Variants in PLEC observed in about 807,000 individuals in gnomAD.
The protein encoded by PLEC is plectin.
A neutral mutation model predicts 392.8 loss-of-function variants in PLEC; 216 were observed. That is an observed-to-expected ratio of 0.55 (90% confidence interval 0.49 to 0.62). The LOEUF (loss-of-function observed/expected upper bound fraction) is 0.62. Ranked by LOEUF, PLEC falls within the 20% of genes least tolerant of loss-of-function variation. The probability of loss-of-function intolerance (pLI) is 0.00; values close to 1 mark genes in which losing one functional copy is unlikely to be tolerated. For missense variants in PLEC, 6,863 were observed against 6,563.4 expected, an observed-to-expected ratio of 1.05 and a Z score of -1.58; for synonymous variants, 3,621 against 2,980.6, an observed-to-expected ratio of 1.21 and a Z score of -7.00.
At position 143,927,549 on chromosome 8, in the gene PLEC, C is replaced by A. The variant is rs1406044295; in HGVS notation, c.3617G>T (p.Gly1206Val). 6.3e-7 allele frequency: 1 copy of A among 1,595,252 alleles called. No individual in the cohort carries two copies. Among genetic ancestry groups the A allele is most frequent in the African/African-American group, 1.3e-5 (1 of 74,942 alleles). Reference sequence around the variant, plus strand: ...CTCGCGGTAGTAACGCAGCTGGCGGCCCAGTTGCTCGAGCTCGCGCTGCCG... The same window carrying A: ...CTCGCGGTAGTAACGCAGCTGGCGGACCAGTTGCTCGAGCTCGCGCTGCCG... ...DVRQRELEQL[G>V]RQLRYYRESA... The change falls in exon 27 of 32, where the codon GGC becomes GTC. Residue 1206 changes from glycine (G) to valine (V), a missense_variant. Transcript: ENST00000345136.
chr8:143,926,271 C>T (rs1346143343), intron 30 of PLEC, among the ~76,000 whole-genome samples: 2 of 152,204 alleles, frequency 1.3e-5, no homozygotes, highest in African/African-American at 2.4e-5. Context: ...CCCCTCTCCC[C>T]GACCAGGGTG....
chr8:143,938,795 T>A (rs1340108492), intron 1 of PLEC, 103 bp from the exon 2 acceptor site: 17 of 1,005,132 alleles, frequency 1.7e-5, no homozygotes, highest in African/African-American at 4.7e-5. Flanking sequence ...AGGTCCTGCC[T>A]GGGGAGCCCC....
Position 143,924,474 on chromosome 8 carries a change from G to C in PLEC, c.5455C>G (p.Leu1819Val), listed in dbSNP as rs1300520131. 2.0e-6 allele frequency: 3 copies of C among 1,537,344 alleles called. No homozygotes were observed. The Admixed American group carries it at 5.8e-5, about 30-fold the overall frequency. ...TGCCGCGCCGCGTCTTCCTCGGCCA[G>C]CTGCCGCTGCCGCTTGGCCTCTTCC... The part of the protein sequence containing the change: ...LAEEAKRQRQ[L>V]AEEDAARQRA... Residue 1819 changes from leucine (L) to valine (V), a missense_variant, in exon 31 of 32, where the codon CTG (leucine) becomes GTG (valine). Leu to Val is a conservative substitution (Grantham distance 32, BLOSUM62 1). Coordinates refer to ENST00000345136, the MANE Select transcript of PLEC (RefSeq NM_201384.3).
At chr8:143,938,045 T>C in intron 3 of PLEC, 106 bp downstream of exon 3, 1 of 792,808 alleles carries the variant, frequency 1.3e-6, no homozygotes, top group Non-Finnish European at 2.1e-6. Context: ...GGGGTTGAGC[T>C]GGATTCCAAG....
chr8:143,921,252 T>C lies in PLEC; in HGVS notation c.8569A>G (p.Asn2857Asp). ...SDDTKGFFDP[N>D]THENLTYLQL... ...AGGTACGTGAGGTTCTCGTGCGTGTTGGGGTCAAAGAAGCCCTTGGTGTCG... is the reference window on the plus strand; with the variant it reads ...AGGTACGTGAGGTTCTCGTGCGTGTCGGGGTCAAAGAAGCCCTTGGTGTCG... The change falls in exon 32 of 32, where the codon AAC becomes GAC. Residue 2857 changes from asparagine to aspartate, a missense_variant. By Grantham distance (23) the Asn-to-Asp change is conservative. Transcript: ENST00000345136. 1.2e-6 allele frequency: 2 copies of C among 1,614,082 alleles called. No individual in the cohort carries two copies. The highest frequency in any genetic ancestry group is 1.7e-6 in the Non-Finnish European group (2 of 1,180,038).
chr8:143,933,404 C>G (rs1827994720), intron 12 of PLEC, 53 bp from the exon 13 acceptor site: 1 of 1,598,824 alleles, frequency 6.3e-7, no homozygotes, highest in East Asian at 2.2e-5. Context: ...TCTGACCTCA[C>G]AGGGGCCCCG....
Position 143,930,192 on chromosome 8 carries a change from C to T in PLEC, c.2564G>A (p.Cys855Tyr). 1 of 1,580,968 alleles carries T rather than the reference C, an allele frequency of 6.3e-7. No homozygotes were observed. Among genetic ancestry groups the T allele is most frequent in the Non-Finnish European group, 8.6e-7 (1 of 1,169,504 alleles). ...SGSEAAVPSV[C>Y]FLVPPPNQEA... ...CTGGTTGGGCGGGGGCACCAGGAAG[C>T]ACACGGAGGGCACGGCGGCCTCGCT... The change falls in exon 21 of 32, where the codon TGC becomes TAC. Residue 855 changes from cysteine (C) to tyrosine (Y), a missense_variant. Physicochemically the swap from Cys to Tyr is radical, Grantham distance 194. Transcript: ENST00000345136.
At chr8:143,963,273 C>T (rs994716798) in intron 1 of PLEC, among the ~76,000 whole-genome samples, 1 of 152,196 alleles carries the variant, frequency 6.6e-6, no homozygotes, top group Non-Finnish European at 1.5e-5. Context: ...CAGGCAGCTG[C>T]AAACATGTGC....
At chr8:143,953,801 C>T, upstream of PLEC, 3 of 1,611,224 alleles carry the variant, frequency 1.9e-6, no homozygotes, top group Non-Finnish European at 2.5e-6. Flanking sequence ...GCGGCTGTGC[C>T]ACCACCAGGC....
intron 16 of PLEC, 70 bp from the exon 17 acceptor site, chr8:143,932,304 G>A (rs1433484241): frequency 1.0e-5 from 16 of 1,606,780 alleles, no homozygotes; most frequent in East Asian, 2.2e-5. Context: ...CAGCAAACTC[G>A]ACCCAGGGCC....
intron 22 of PLEC, 41 bp from the exon 23 acceptor site, chr8:143,929,870 C>G: frequency 6.2e-7 from 1 of 1,600,936 alleles, no homozygotes; most frequent in Non-Finnish European, 8.5e-7. Flanking sequence ...GCGAGGCGGC[C>G]GTGCCCTGCA....
chr8:143,920,180 T>A lies in PLEC; in HGVS notation c.9641A>T (p.Glu3214Val). The A allele has an allele frequency of 6.2e-7, 1 of 1,611,978 alleles. No homozygotes were observed. Among genetic ancestry groups the A allele is most frequent in the African/African-American group, 1.3e-5 (1 of 75,054 alleles). The change falls in exon 32 of 32, where the codon GAA (glutamate) becomes GTA (valine). Residue 3214 changes from glutamate to valine, a missense_variant. Coordinates refer to ENST00000345136, the MANE Select transcript of PLEC (RefSeq NM_201384.3). ...LTGLSLLPLSEKAARARQEEL... is the reference protein window; with the variant it reads ...LTGLSLLPLSVKAARARQEEL... ...CTCCTGCCGGGCCCGAGCAGCCTTT[T>A]CTGAGAGCGGCAGCAGGCTCAGCCC...
chr8:143,923,606 C>T lies in PLEC; in HGVS notation c.6323G>A (p.Arg2108Gln), dbSNP rs782604109. 9 of 1,592,786 alleles carry T rather than the reference C, an allele frequency of 5.7e-6. No individual in the cohort carries two copies. Among genetic ancestry groups the T allele is most frequent in the East Asian group, 4.5e-5 (2 of 44,534 alleles). The part of the protein sequence containing the change: ...VQAEREAAQS[R>Q]RQVEEAERLK... ...CCGCTCGGCCTCTTCCACCTGCCGC[C>T]GGGACTGCGCCGCCTCACGCTCCGC... The change falls in exon 31 of 32, where the codon CGG becomes CAG. Residue 2108 changes from arginine to glutamine, a missense_variant. Physicochemically the swap from Arg to Gln is conservative, Grantham distance 43 (BLOSUM62 1). Transcript: ENST00000345136.
upstream of PLEC, among the ~76,000 whole-genome samples, chr8:143,954,124 G>A (rs1040754623): frequency 1.2e-4 from 16 of 133,928 alleles, no homozygotes; most frequent in Non-Finnish European, 2.0e-4. This position sits in a 1 kb window ranked among gnomAD's most constrained non-coding sequence, Gnocchi z 4.6. Flanking sequence ...CCACTGCAAC[G>A]AGCCATGCTT....
upstream of PLEC, among the ~76,000 whole-genome samples, chr8:143,942,699 C>T (rs1830733904): frequency 1.3e-5 from 2 of 152,154 alleles, no homozygotes; most frequent in Non-Finnish European, 2.9e-5. Flanking sequence ...GCCCCTGGCG[C>T]GCAGCCCCGC....
upstream of PLEC, among the ~76,000 whole-genome samples, chr8:143,953,413 T>G (rs1008121378): frequency 5.9e-5 from 9 of 151,880 alleles, no homozygotes; most frequent in Admixed American, 5.9e-4. Flanking sequence ...GACCCTGCTG[T>G]GAAGGCTGAG....
At chr8:143,959,277 G>T in intron 1 of PLEC, among the ~76,000 whole-genome samples, 1 of 152,224 alleles carries the variant, frequency 6.6e-6, no homozygotes, top group East Asian at 1.9e-4. Flanking sequence ...TGAGAGGCTG[G>T]CTTCAAACGC....
chr8:143,963,923 G>A (rs1832974224), intron 1 of PLEC, among the ~76,000 whole-genome samples: 1 of 150,112 alleles, frequency 6.7e-6, no homozygotes, highest in Non-Finnish European at 1.5e-5. Flanking sequence ...AGCAAGTCTC[G>A]TGCCTCATAC....
In PLEC at chr8:143,924,451, C is replaced by A; in HGVS notation, c.5478G>T (p.Arg1826=). Reference sequence around the variant, plus strand: ...GCACCCGCTCCGCCTCGGCCCGCTGCCGCGCCGCGTCTTCCTCGGCCAGCT... The same window carrying A: ...GCACCCGCTCCGCCTCGGCCCGCTGACGCGCCGCGTCTTCCTCGGCCAGCT... ...QRQLAEEDAA[R]QRAEAERVLA... Residue 1826 remains arginine, a synonymous_variant, in exon 31 of 32, where the codon CGG becomes CGT. Transcript: ENST00000345136. The A allele has an allele frequency of 1.9e-6, 3 of 1,557,620 alleles. No homozygotes were observed. The highest frequency in any genetic ancestry group is 2.6e-6 in the Non-Finnish European group (3 of 1,160,986).
Sources: allele counts gnomAD v4.1 joint callset (sites outside exome capture counted in the v4.1 genomes callset), GRCh38; gene constraint gnomAD v4.1.1; non-coding constraint Gnocchi (gnomAD v3.1); transcripts MANE v1.5; gene names NCBI Gene and HGNC (gene_info 2026-07-23, HGNC 2026-07-21).